GREB1: variants seen among roughly 807,000 people sequenced by gnomAD.
GREB1 encodes growth regulating estrogen receptor binding 1, also known as protein GREB1.
GREB1 carries 106 observed loss-of-function variants against 200.7 expected under a neutral mutation model. The observed-to-expected ratio is 0.53, with a 90% CI of 0.45 to 0.62. The LOEUF (loss-of-function observed/expected upper bound fraction) is 0.62, where lower values mean the gene tolerates loss of function less well. Among genes scored for constraint, GREB1 ranks in the 20% least tolerant of loss-of-function variants. GREB1 has a pLI of 0.00. For missense variants in GREB1, 2,243 were observed against 2,556.8 expected, an observed-to-expected ratio of 0.88 and a Z score of 2.65; for synonymous variants, 1,132 against 1,092.4, an observed-to-expected ratio of 1.04 and a Z score of -0.72.
rs576957326 is a variant in GREB1 at position 11,504,351 on chromosome 2, A to G, written c.-159+21970A>G. On this transcript the variant is annotated intron_variant, in intron 1 of 2. Coordinates refer to the GREB1 transcript ENST00000628795. ...TTTCAGACCTTGGAAAACTGAAACC[A>G]TGAAAAGTGAAACTGTGGATGAGGG... Among the ~76,000 whole-genome samples the G allele has an allele frequency of 2.0e-5, 3 of 152,372 alleles. No individual in the cohort carries two copies. The South Asian group carries it at 6.2e-4, about 32-fold the overall frequency.
chr2:11,632,887 A>C lies in GREB1; in HGVS notation c.4817-2A>C. 1.2e-6 allele frequency: 2 copies of C among 1,613,270 alleles called. No homozygotes were observed. The highest frequency in any genetic ancestry group is 1.7e-6 in the Non-Finnish European group (2 of 1,179,580). On this transcript the variant is annotated splice_acceptor_variant, in intron 27 of 32. Coordinates refer to ENST00000381486, the MANE Select transcript of GREB1 (RefSeq NM_014668.4). LOFTEE classifies it high-confidence loss of function. ...TGAGTCCAGGTGCTTTGCCCACTGC[A>C]GGTGCTGCTCATTTCCTCATCAAGG...
chr2:11,556,669 C>T lies in GREB1; in HGVS notation c.55C>T (p.His19Tyr). 1.2e-6 allele frequency: 2 copies of T among 1,613,836 alleles called. No homozygotes were observed. Among genetic ancestry groups the T allele is most frequent in the East Asian group, 2.2e-5 (1 of 44,874 alleles). The change falls in exon 2 of 33, where the codon CAC becomes TAC. Residue 19 changes from histidine (H) to tyrosine (Y), a missense_variant. By Grantham distance (83) the His-to-Tyr change is moderately conservative. Transcript: ENST00000381486. ...LKTTRFEEVLHNSIEASLRSN... is the reference protein window; with the variant it reads ...LKTTRFEEVLYNSIEASLRSN... ...GACGACACGCTTTGAAGAGGTCTTG[C>T]ACAATTCCATCGAGGCATCCCTGCG...
intron 1 of GREB1, among the ~76,000 whole-genome samples, chr2:11,547,560 T>C (rs1422983533): frequency 1.3e-5 from 2 of 152,222 alleles, no homozygotes; most frequent in Non-Finnish European, 2.9e-5. Flanking sequence ...CTGCCTTTCA[T>C]TTATTTTTAA....
intron 1 of GREB1, among the ~76,000 whole-genome samples, chr2:11,546,038 A>G (rs957554850): frequency 5.9e-5 from 9 of 152,108 alleles, no homozygotes; most frequent in Non-Finnish European, 1.0e-4. Context: ...TTAGCCGGGC[A>G]TAGTGGTGCA....
At chr2:11,605,784 C>A (rs1682226215) in intron 17 of GREB1, among the ~76,000 whole-genome samples, 2 of 152,052 alleles carry the variant, frequency 1.3e-5, no homozygotes, top group Non-Finnish European at 2.9e-5. Context: ...ATAGTTTGTT[C>A]CTTTTTACTG....
chr2:11,640,445 A>T lies in GREB1; in HGVS notation c.5841A>T (p.Arg1947=), dbSNP rs1377140921. The change falls in exon 33 of 33, where the codon CGA becomes CGT. Residue 1947 remains arginine, a synonymous_variant. Coordinates refer to ENST00000381486, the MANE Select transcript of GREB1 (RefSeq NM_014668.4). This position sits in a 1 kb window ranked among gnomAD's most constrained non-coding sequence, Gnocchi z 4.6. ...GGCCGCTCTTTTTTCTGACGGGACG[A>T]CACATCTGAGGAAGACAGCGGCGAG... ...EDRPLFFLTG[R]HI is the part of the protein sequence containing the mutation. 3 of 1,613,282 alleles carry T rather than the reference A, an allele frequency of 1.9e-6. No homozygotes were observed. In the African/African-American group the frequency reaches 4.0e-5, roughly 22 times the overall value.
chr2:11,600,733 C>T, intron 15 of GREB1, 67 bp from the exon 16 acceptor site: 2 of 1,302,690 alleles, frequency 1.5e-6, no homozygotes, highest in South Asian at 2.4e-5. Context: ...ATTTATTCAA[C>T]TGCTTCACCT....
At chr2:11,518,818 G>A (rs951278681) in intron 1 of GREB1, among the ~76,000 whole-genome samples, 10 of 151,684 alleles carry the variant, frequency 6.6e-5, no homozygotes, top group Admixed American at 2.6e-4. Context: ...AAAAAATCCC[G>A]CCAGGCGAGG....
chr2:11,491,080 G>A (rs556445748), intron 1 of GREB1, among the ~76,000 whole-genome samples: 1 of 152,296 alleles, frequency 6.6e-6, no homozygotes, highest in East Asian at 1.9e-4. Context: ...ACCCATTCTA[G>A]TGGGTGGAGA....
intron 26 of GREB1, among the ~76,000 whole-genome samples, chr2:11,631,648 C>T (rs1365912554): frequency 6.6e-6 from 1 of 152,212 alleles, no homozygotes; most frequent in Non-Finnish European, 1.5e-5. Flanking sequence ...TCTCATCGTC[C>T]AGCAGGCTAG....
At chr2:11,609,279 T>TTTATTTAC (rs1682702925) in intron 17 of GREB1, among the ~76,000 whole-genome samples, 1 of 150,356 alleles carries the variant, frequency 6.7e-6, no homozygotes, top group Non-Finnish European at 1.5e-5. Flanking sequence ...TATTTATTTA[T>TTTATTTAC]TTAGAGATGG....
chr2:11,546,609 C>T (rs1008260431), intron 1 of GREB1, among the ~76,000 whole-genome samples: 4 of 152,304 alleles, frequency 2.6e-5, no homozygotes, highest in Admixed American at 2.6e-4. Context: ...CATACAAGCT[C>T]TGTAATAGGG....
chr2:11,540,449 G>A (rs1481531703), intron 1 of GREB1, among the ~76,000 whole-genome samples: 4 of 152,224 alleles, frequency 2.6e-5, no homozygotes, highest in Non-Finnish European at 5.9e-5. Context: ...TTATTCTGAA[G>A]GTCCTTCTCT....
At chr2:11,588,709 C>T in intron 9 of GREB1, 37 bp from the exon 10 acceptor site, 1 of 1,596,164 alleles carries the variant, frequency 6.3e-7, no homozygotes, top group South Asian at 1.1e-5. Context: ...AAGCTGTGCA[C>T]AAGACTGGGT....
intron 2 of GREB1, among the ~76,000 whole-genome samples, chr2:11,560,425 G>T (rs1676888376): frequency 6.6e-6 from 1 of 152,192 alleles, no homozygotes; most frequent in Admixed American, 6.5e-5. Context: ...AGCGGGCCGG[G>T]CATGGTGGCT....
rs780878773 is a variant in GREB1, at chr2:11,637,744, C to T, written c.5375C>T (p.Pro1792Leu). 5.6e-6 allele frequency: 9 copies of T among 1,613,700 alleles called. No individual in the cohort carries two copies. Among genetic ancestry groups the T allele is most frequent in the Middle Eastern group, 1.6e-4 (1 of 6,062 alleles). The change falls in exon 31 of 33, where the codon CCG (proline) becomes CTG (leucine). Residue 1792 changes from proline to leucine, a missense_variant. Around this residue, in one of 3 missense-constraint regions of GREB1, gnomAD observed 478 missense variants for 616.3 expected, o/e 0.78. Transcript: ENST00000381486. Reference sequence around the variant, plus strand: ...TCTGATAACTCTGCCGCGGTCGTGCCGGCCCAGTACATCTGTGCCCCGGAC... The same window carrying T: ...TCTGATAACTCTGCCGCGGTCGTGCTGGCCCAGTACATCTGTGCCCCGGAC... ...KVSDNSAAVV[P>L]AQYICAPDSK...
intron 25 of GREB1, among the ~76,000 whole-genome samples, chr2:11,627,422 G>C (rs974838226): frequency 6.6e-5 from 10 of 152,214 alleles, no homozygotes; most frequent in African/African-American, 2.4e-4. Context: ...TTCTGTACCA[G>C]GCACTGGGGC....
At chr2:11,554,004 C>T (rs1164733144) in intron 1 of GREB1, among the ~76,000 whole-genome samples, 1 of 152,116 alleles carries the variant, frequency 6.6e-6, no homozygotes, top group Non-Finnish European at 1.5e-5. Context: ...GGATGTTATT[C>T]GTTGGTGGCA....
At chr2:11,585,991 G>A in intron 9 of GREB1, 86 bp downstream of exon 9, 2 of 1,396,050 alleles carry the variant, frequency 1.4e-6, no homozygotes, top group East Asian at 2.3e-5. Context: ...CCTCATCCCG[G>A]TCTGACTCCA....
Sources: allele counts gnomAD v4.1 joint callset (sites outside exome capture counted in the v4.1 genomes callset), GRCh38; gene constraint gnomAD v4.1.1; regional missense constraint gnomAD v4.1.1; non-coding constraint Gnocchi (gnomAD v3.1); transcripts MANE v1.5; gene names NCBI Gene and HGNC (gene_info 2026-07-23, HGNC 2026-07-21).